NOL10: variants seen among roughly 807,000 people sequenced by gnomAD.
The protein encoded by NOL10 is H_NH0074G24.1.
Under a neutral mutation model 103.5 loss-of-function variants are expected in NOL10, and 58 were observed. The observed-to-expected ratio is 0.56, with a 90% confidence interval of 0.45 to 0.70. NOL10 has a LOEUF of 0.70. Ranked by LOEUF, NOL10 falls within the 30% of genes least tolerant of loss-of-function variation. NOL10 has a pLI of 0.00. For missense variants in NOL10, 763 were observed against 807.3 expected (o/e 0.95, Z 0.67); for synonymous variants, 287 against 282.5 (o/e 1.02, Z -0.16).
chr2:10,684,683 T>TACAGG, intron 1 of NOL10, 71 bp from the exon 2 acceptor site: 1 of 1,099,120 alleles, frequency 9.1e-7, no homozygotes. Flanking sequence ...GCAAAATCAA[T>TACAGG]ACATGCTTAT....
At chr2:10,580,523 C>T (rs1674691790) in intron 19 of NOL10, among the ~76,000 whole-genome samples, 1 of 152,050 alleles carries the variant, frequency 6.6e-6, no homozygotes, top group Admixed American at 6.5e-5. Context: ...CTTGTGATTG[C>T]TAAGAAAATA....
chr2:10,625,129 GGGATGAACA>G lies in NOL10; in HGVS notation c.1027-17827_1027-17819del, dbSNP rs534971655. 3.4e-4 allele frequency among the ~76,000 whole-genome samples: 52 copies of G among 152,274 alleles called. No homozygotes were observed. The East Asian group carries it at 9.1e-3, about 27-fold the overall frequency. Reference sequence around the variant, plus strand: ...GCTCGGGGTTTGTGGGGTGGAGGAAGGGATGAACAGGTGGAACAGAGGACTTTTAGGGTA... The same window carrying G: ...GCTCGGGGTTTGTGGGGTGGAGGAAGGGTGGAACAGAGGACTTTTAGGGTA... On this transcript the variant is annotated intron_variant, in intron 13 of 20. Coordinates refer to ENST00000381685, the MANE Select transcript of NOL10 (RefSeq NM_024894.4).
chr2:10,680,298 A>G (rs995390143), intron 3 of NOL10, among the ~76,000 whole-genome samples: 9 of 131,716 alleles, frequency 6.8e-5, no homozygotes, highest in Non-Finnish European at 1.2e-4. Context: ...GAAGGAGAAG[A>G]AGGAGAAGAG....
At chr2:10,599,520 A>G (rs1325447573) in intron 17 of NOL10, among the ~76,000 whole-genome samples, 2 of 152,246 alleles carry the variant, frequency 1.3e-5, no homozygotes, top group African/African-American at 4.8e-5. Context: ...AGGAAGGTGC[A>G]GAGCCATTAC....
At chr2:10,578,567 T>A (rs556199689) in intron 19 of NOL10, among the ~76,000 whole-genome samples, 1 of 152,336 alleles carries the variant, frequency 6.6e-6, no homozygotes, top group East Asian at 1.9e-4. Flanking sequence ...CATTTCACTG[T>A]CATCTGTGTA....
At chr2:10,666,213 T>G (rs562689836) in intron 8 of NOL10, among the ~76,000 whole-genome samples, 108 of 152,338 alleles carry the variant, frequency 7.1e-4, no homozygotes, top group Middle Eastern at 3.4e-3. Flanking sequence ...GCAAAGAACA[T>G]TCTTTCATTC....
intron 20 of NOL10, 80 bp downstream of exon 20, chr2:10,577,556 T>G (rs1010611773): frequency 1.8e-5 from 18 of 994,842 alleles, no homozygotes; most frequent in Non-Finnish European, 2.6e-5. Flanking sequence ...AGAAGGCTGC[T>G]CTGAGGACAC....
chr2:10,633,083 C>T (rs1677947832), intron 13 of NOL10, among the ~76,000 whole-genome samples: 1 of 152,174 alleles, frequency 6.6e-6, no homozygotes, highest in African/African-American at 2.4e-5. Flanking sequence ...ACCTGATGCA[C>T]TCACCTGACA....
At chr2:10,652,097 G>A (rs1434328627) in intron 12 of NOL10, among the ~76,000 whole-genome samples, 13 of 151,904 alleles carry the variant, frequency 8.6e-5, no homozygotes, top group Admixed American at 2.0e-4. Context: ...AATATTAGCC[G>A]GGCGTGGTGG....
chr2:10,631,942 G>A (rs1246942288), intron 13 of NOL10, among the ~76,000 whole-genome samples: 1 of 152,098 alleles, frequency 6.6e-6, no homozygotes, highest in African/African-American at 2.4e-5. Context: ...TCAAACTCCC[G>A]ACCTCAGGTG....
At chr2:10,624,869 C>G (rs1437249892) in intron 13 of NOL10, among the ~76,000 whole-genome samples, 1 of 152,046 alleles carries the variant, frequency 6.6e-6, no homozygotes, top group Non-Finnish European at 1.5e-5. Context: ...TGGAAACAAC[C>G]AAGAGGCCTT....
At position 10,655,194 on chromosome 2, in the gene NOL10, T is replaced by A. The variant is rs184409295; in HGVS notation, c.907-647A>T. ...TGCACTCCAGCCTGGGGCGACAGAG[T>A]GAGATTCTGCCCAAAAAAAAAAAGA... On this transcript the variant is annotated intron_variant, in intron 11 of 20. Transcript: ENST00000381685. Among the ~76,000 whole-genome samples, 141 of 129,656 alleles carry A rather than the reference T, an allele frequency of 1.1e-3. No individual in the cohort carries two copies. In the Middle Eastern group the frequency reaches 0.012, roughly 11 times the overall value. 85.1% of individuals were successfully genotyped at this position (129,656 alleles called of 152,430 possible).
At chr2:10,632,579 A>T (rs536783324) in intron 13 of NOL10, among the ~76,000 whole-genome samples, 2 of 152,340 alleles carry the variant, frequency 1.3e-5, no homozygotes, top group African/African-American at 4.8e-5. Context: ...TTGTCTATAG[A>T]CATGCAAATG....
At chr2:10,615,733 T>G (rs1489427773) in intron 13 of NOL10, among the ~76,000 whole-genome samples, 4 of 152,094 alleles carry the variant, frequency 2.6e-5, no homozygotes, top group Admixed American at 6.5e-5. Context: ...TCAGAATCCT[T>G]GGGACAAGAA....
At chr2:10,647,420 T>G (rs1291633533) in intron 12 of NOL10, among the ~76,000 whole-genome samples, 6 of 152,238 alleles carry the variant, frequency 3.9e-5, no homozygotes, top group African/African-American at 1.4e-4. Context: ...TTTAGAAACC[T>G]GCAATTCAAC....
chr2:10,643,687 A>T (rs1214870909), intron 13 of NOL10, among the ~76,000 whole-genome samples: 5 of 152,246 alleles, frequency 3.3e-5, no homozygotes, highest in Non-Finnish European at 7.3e-5. Context: ...CTTGAAGAGT[A>T]ATAGACTTTT....
intron 17 of NOL10, among the ~76,000 whole-genome samples, chr2:10,593,996 C>T (rs1433904561): frequency 6.6e-6 from 1 of 152,210 alleles, no homozygotes; most frequent in Non-Finnish European, 1.5e-5. Context: ...CCTGTCCCCA[C>T]CTAGAGTTTT....
At position 10,657,846 on chromosome 2, in the gene NOL10, C is replaced by T; in HGVS notation, c.802G>A (p.Asp268Asn). The T allele has an allele frequency of 6.5e-7, 1 of 1,549,354 alleles. No homozygotes were observed. Among genetic ancestry groups the T allele is most frequent in the Non-Finnish European group, 8.7e-7 (1 of 1,145,816 alleles). The part of the protein sequence containing the change: ...LRSDKPLLVK[D>N]HQYGLPIKSV... The stretch of plus-strand genomic sequence containing the variant: ...TTAATGGGCAGCCCATACTGGTGAT[C>T]TTTAACTAGCAATGGCTTATCAGAT... The change falls in exon 11 of 21, where the codon GAT (aspartate) becomes AAT (asparagine). Residue 268 changes from aspartate (D) to asparagine (N), a missense_variant. Coordinates refer to ENST00000381685, the MANE Select transcript of NOL10 (RefSeq NM_024894.4).
chr2:10,591,617 G>A (rs967735837), intron 17 of NOL10, among the ~76,000 whole-genome samples: 2 of 152,062 alleles, frequency 1.3e-5, no homozygotes, highest in African/African-American at 4.8e-5. Context: ...GGAAGAAGAG[G>A]AAGAGAAAAA....
Sources: allele counts gnomAD v4.1 joint callset (sites outside exome capture counted in the v4.1 genomes callset), GRCh38; gene constraint gnomAD v4.1.1; transcripts MANE v1.5; gene names NCBI Gene and HGNC (gene_info 2026-07-23, HGNC 2026-07-21).